CERT1: variants seen among roughly 807,000 people sequenced by gnomAD.
CERT1 encodes the protein ceramide transporter 1, also known as ceramide transfer protein.
Under a neutral mutation model 87.9 loss-of-function variants are expected in CERT1, and 31 were observed. The ratio of observed to expected loss-of-function variants is 0.35; its 90% CI spans 0.27 to 0.48. The LOEUF (loss-of-function observed/expected upper bound fraction) is 0.48. Among genes scored for constraint, CERT1 ranks in the 20% least tolerant of loss-of-function variants. The pLI is 0.99. For missense variants in CERT1, 487 were observed against 758.0 expected, an observed-to-expected ratio of 0.64 and a Z score of 4.20; for synonymous variants, 289 against 250.9, an observed-to-expected ratio of 1.15 and a Z score of -1.44.
At chr5:75,452,658 T>C (rs1764813157) in intron 3 of CERT1, among the ~76,000 whole-genome samples, 1 of 152,134 alleles carries the variant, frequency 6.6e-6, no homozygotes, top group Non-Finnish European at 1.5e-5. Flanking sequence ...ATACAGAAAA[T>C]GCTCACAGAG....
intron 3 of CERT1, among the ~76,000 whole-genome samples, chr5:75,448,213 T>G (rs1764634878): frequency 6.6e-6 from 1 of 152,194 alleles, no homozygotes; most frequent in African/African-American, 2.4e-5. Context: ...AAGTGCTGAA[T>G]TATTCCTTCT....
At chr5:75,465,851 A>AG (rs894542071) in intron 2 of CERT1, among the ~76,000 whole-genome samples, 8 of 152,230 alleles carry the variant, frequency 5.3e-5, no homozygotes, top group African/African-American at 9.6e-5. Flanking sequence ...AACAAGGAAA[A>AG]GGGGGGGTAG....
intron 2 of CERT1, among the ~76,000 whole-genome samples, chr5:75,477,552 C>T (rs1038119205): frequency 1.3e-5 from 2 of 148,356 alleles, no homozygotes; most frequent in African/African-American, 4.9e-5. Flanking sequence ...TTGTAACTGC[C>T]TTATTGCTTA....
intron 2 of CERT1, among the ~76,000 whole-genome samples, chr5:75,491,239 T>G (rs978491370): frequency 2.6e-5 from 4 of 152,128 alleles, no homozygotes; most frequent in Non-Finnish European, 5.9e-5. Context: ...TCAGTGGAGT[T>G]TTGCTTTAAT....
chr5:75,418,395 T>C (rs1404203014), intron 6 of CERT1, among the ~76,000 whole-genome samples: 1 of 152,172 alleles, frequency 6.6e-6, no homozygotes, highest in Non-Finnish European at 1.5e-5. Context: ...ACTGGGACTC[T>C]CATATGTGGC....
At chr5:75,505,934 G>A in intron 2 of CERT1, 48 bp downstream of exon 2, 1 of 1,479,578 alleles carries the variant, frequency 6.8e-7, no homozygotes, top group South Asian at 1.1e-5. Context: ...CTGGTATGTA[G>A]CTGACACTCA....
rs1332250054 is a variant in CERT1 at position 75,492,035 on chromosome 5, T to A, written c.231+13947A>T. 6.6e-5 allele frequency among the ~76,000 whole-genome samples: 10 copies of A among 152,176 alleles called. No homozygotes were observed. In the East Asian group the frequency reaches 9.6e-4, roughly 15 times the overall value. On this transcript the variant is annotated intron_variant, in intron 2 of 16. Transcript: ENST00000643780. ...ACATGTCATAGTTGCTCAGTCCTTA[T>A]TTATATTTTAAAAAATCTGATAGTA...
At chr5:75,479,612 C>T (rs1009029971) in intron 2 of CERT1, among the ~76,000 whole-genome samples, 1 of 152,160 alleles carries the variant, frequency 6.6e-6, no homozygotes, top group Non-Finnish European at 1.5e-5. Context: ...CTGCAAAAGA[C>T]GTGATCTCAC....
rs531391851 is a variant in CERT1, at chr5:75,511,259, G to A, written c.-52C>T. Reference sequence around the variant, plus strand: ...CGGCCCCCGCTCCCTCAGCTGCGCCGGAGGAGGCGCCCAGTCCTCGGGGTG... The same window carrying A: ...CGGCCCCCGCTCCCTCAGCTGCGCCAGAGGAGGCGCCCAGTCCTCGGGGTG... On this transcript the variant is annotated 5_prime_UTR_variant, in exon 1 of 17. Coordinates refer to ENST00000643780, the MANE Select transcript of CERT1 (RefSeq NM_001379029.1). 13 of 1,599,332 alleles carry A rather than the reference G, an allele frequency of 8.1e-6. No homozygotes were observed. Among genetic ancestry groups the A allele is most frequent in the African/African-American group, 8.0e-5 (6 of 74,778 alleles).
chr5:75,485,017 C>G (rs902457447), intron 2 of CERT1, among the ~76,000 whole-genome samples: 13 of 152,034 alleles, frequency 8.6e-5, no homozygotes, highest in African/African-American at 2.4e-4. Context: ...TATCAAGTAC[C>G]TTCTCTGACC....
In CERT1 at chr5:75,392,969, C is replaced by CAAA. The variant is rs1198217217; in HGVS notation, c.1189-3285_1189-3283dup. Reference sequence around the variant, plus strand: ...TGGATGACAGAGAGAGACTCCGTCTCAAAAAAAAAAAAAAAAAAAAAAAAA... The same window carrying CAAA: ...TGGATGACAGAGAGAGACTCCGTCTCAAAAAAAAAAAAAAAAAAAAAAAAAAAA... On this transcript the variant is annotated intron_variant, in intron 11 of 16. Transcript: ENST00000643780. Among the ~76,000 whole-genome samples the CAAA allele has an allele frequency of 1.0e-3, 9 of 8,700 alleles. 2 individuals carry two copies. Among genetic ancestry groups the CAAA allele is most frequent in the African/African-American group, 3.9e-3 (7 of 1,810 alleles). The allele number at this position is 8,700 out of a possible 152,430, so 5.7% of individuals were successfully genotyped here. A position where few individuals can be genotyped will look rare whatever the true frequency, so the allele number is the denominator to read the frequency against.
rs374324319 is a variant in CERT1, at chr5:75,442,867, T to C, written c.348+16198A>G. On this transcript the variant is annotated intron_variant, in intron 3 of 16. Transcript: ENST00000643780. ...TTTACTATAGTATACGTTATAATTA[T>C]TCTATTTTATTATTTGTCATTGGTG... Among the ~76,000 whole-genome samples the C allele has an allele frequency of 1.6e-4, 24 of 152,318 alleles. No homozygotes were observed. The East Asian group carries it at 1.7e-3, about 11-fold the overall frequency.
In CERT1 at chr5:75,486,735, G is replaced by A. The variant is rs188789098; in HGVS notation, c.231+19247C>T. The stretch of plus-strand genomic sequence containing the variant: ...AAATCAAGTAATTCCATTTATAATA[G>A]CTAGAAATAAAATAAGATACCTAGG... On this transcript the variant is annotated intron_variant, in intron 2 of 16. Coordinates refer to ENST00000643780, the MANE Select transcript of CERT1 (RefSeq NM_001379029.1). Among the ~76,000 whole-genome samples the A allele has an allele frequency of 1.1e-3, 164 of 152,028 alleles. 1 individual carries two copies. The East Asian group carries it at 0.027, about 25-fold the overall frequency.
Position 75,472,032 on chromosome 5 carries a change from A to G in CERT1, c.232-12851T>C, listed in dbSNP as rs1765735977. Among the ~76,000 whole-genome samples, 3 of 152,308 alleles carry G rather than the reference A, an allele frequency of 2.0e-5. No individual in the cohort carries two copies. In the South Asian group the frequency reaches 6.2e-4, roughly 32 times the overall value. ...ACTACCTGACTTCAAAATATACTAC[A>G]CAAAACTATAGGAATCAAATCAACA... On this transcript the variant is annotated intron_variant, in intron 2 of 16. Transcript: ENST00000643780.
chr5:75,483,283 T>C (rs555981143), intron 2 of CERT1, among the ~76,000 whole-genome samples: 2 of 152,270 alleles, frequency 1.3e-5, no homozygotes, highest in Middle Eastern at 3.4e-3. Context: ...TAATTAATTA[T>C]GCAGAAGATA....
chr5:75,421,283 C>CT (rs1337479417), intron 5 of CERT1, among the ~76,000 whole-genome samples: 1 of 152,200 alleles, frequency 6.6e-6, no homozygotes, highest in Non-Finnish European at 1.5e-5. Context: ...AATTCGATAC[C>CT]TTATTTCCCT....
At chr5:75,375,609 A>AC (rs898351225), downstream of CERT1, 1 of 144,854 alleles carries the variant, frequency 6.9e-6, no homozygotes, top group African/African-American at 2.6e-5. Context: ...AAATAAATAA[A>AC]TAAATAAATA....
Position 75,459,138 on chromosome 5 carries a change from T to C in CERT1, c.275A>G (p.Asp92Gly), listed in dbSNP as rs1457934056. The C allele has an allele frequency of 6.2e-7, 1 of 1,612,602 alleles. No homozygotes were observed. The highest frequency in any genetic ancestry group is 8.5e-7 in the Non-Finnish European group (1 of 1,178,780). ...DECRFDISVN[D>G]SVWYLRAQDP... Reference sequence around the variant, plus strand: ...CTGAGCACGAAGATACCAAACACTATCATTTACACTAATATCAAATCGACA... The same window carrying C: ...CTGAGCACGAAGATACCAAACACTACCATTTACACTAATATCAAATCGACA... The change falls in exon 3 of 17, where the codon GAT becomes GGT. Residue 92 changes from aspartate (D) to glycine (G), a missense_variant. Physicochemically the swap from Asp to Gly is moderately conservative, Grantham distance 94 (BLOSUM62 -1). Around this residue, in one of 8 missense-constraint regions of CERT1, gnomAD observed 173 missense variants for 302.2 expected, o/e 0.57. Coordinates refer to ENST00000643780, the MANE Select transcript of CERT1 (RefSeq NM_001379029.1).
intron 3 of CERT1, among the ~76,000 whole-genome samples, chr5:75,431,431 C>A (rs1763861830): frequency 6.6e-6 from 1 of 152,166 alleles, no homozygotes; most frequent in African/African-American, 2.4e-5. Context: ...GGTGGTCCAG[C>A]AGGCAGAGGG....
Sources: gnomAD v4.1 joint callset for allele counts (sites outside exome capture counted in the v4.1 genomes callset) on GRCh38, gnomAD v4.1.1 for gene constraint, gnomAD v4.1.1 regional missense constraint, MANE v1.5 for transcripts, NCBI Gene and HGNC (gene_info 2026-07-23, HGNC 2026-07-21) for gene names.